The following PTPRD variants were observed in gnomAD, a reference collection of about 807,000 sequenced individuals.
The protein encoded by PTPRD is receptor-type tyrosine-protein phosphatase delta.
PTPRD carries 34 observed loss-of-function variants against 214.5 expected under a neutral mutation model. The ratio of observed to expected loss-of-function variants is 0.16; its 90% CI spans 0.12 to 0.21. The LOEUF (loss-of-function observed/expected upper bound fraction) is 0.21. PTPRD is among the 10% of genes least tolerant of loss of function. The pLI is 1.00. For synonymous variants in PTPRD, 1,128 were observed against 845.7 expected, an observed-to-expected ratio of 1.33 and a Z score of -5.79; for missense variants, 2,545 against 2,398.7, an observed-to-expected ratio of 1.06 and a Z score of -1.27.
chr9:9,921,301 T>C (rs905588189), intron 5 of PTPRD, among the ~76,000 whole-genome samples: 1 of 152,086 alleles, frequency 6.6e-6, no homozygotes, highest in Non-Finnish European at 1.5e-5. Context: ...ATAGGGTTTC[T>C]GTTTGCCTGT....
At chr9:8,399,669 T>A (rs1453172093) in intron 36 of PTPRD, among the ~76,000 whole-genome samples, 3 of 152,148 alleles carry the variant, frequency 2.0e-5, no homozygotes, top group Non-Finnish European at 4.4e-5. Context: ...TTCTAAGATT[T>A]CTATCCTAAG....
intron 2 of PTPRD, among the ~76,000 whole-genome samples, chr9:10,489,389 G>T (rs2099153301): frequency 1.3e-5 from 2 of 152,162 alleles, no homozygotes; most frequent in African/African-American, 2.4e-5. Flanking sequence ...GAGATAAGAA[G>T]TCTCTTTTGG....
intron 4 of PTPRD, among the ~76,000 whole-genome samples, chr9:9,957,562 G>A (rs1484132774): frequency 6.6e-6 from 1 of 152,036 alleles, no homozygotes; most frequent in Non-Finnish European, 1.5e-5. Flanking sequence ...CTCATTCTAT[G>A]AGGCTATTTT....
intron 8 of PTPRD, 97 bp from the exon 9 acceptor site, chr9:9,397,579 A>G (rs944733456): frequency 3.9e-5 from 6 of 152,382 alleles, no homozygotes; most frequent in Non-Finnish European, 7.4e-5. Context: ...TATCTATAGA[A>G]GCAAAATAAA....
intron 4 of PTPRD, among the ~76,000 whole-genome samples, chr9:9,945,567 G>C (rs555044674): frequency 6.6e-6 from 1 of 152,154 alleles, no homozygotes; most frequent in Non-Finnish European, 1.5e-5. Flanking sequence ...TGGCAGTTAA[G>C]TAATGCAAGT....
chr9:8,580,440 T>C (rs2092949865), intron 14 of PTPRD, among the ~76,000 whole-genome samples: 1 of 152,214 alleles, frequency 6.6e-6, no homozygotes, highest in African/African-American at 2.4e-5. Context: ...AGAATTTTCT[T>C]TCTTTGGTTT....
At chr9:9,047,140 A>T (rs949168120) in intron 10 of PTPRD, among the ~76,000 whole-genome samples, 4 of 152,076 alleles carry the variant, frequency 2.6e-5, no homozygotes, top group Admixed American at 6.6e-5. Context: ...AAAAAGAAAT[A>T]AAAAAATACT....
intron 11 of PTPRD, among the ~76,000 whole-genome samples, chr9:8,821,780 T>C (rs1214651940): frequency 6.6e-6 from 1 of 152,186 alleles, no homozygotes; most frequent in Non-Finnish European, 1.5e-5. Context: ...ATTCTCTGCC[T>C]CAGCCTCCCG....
chr9:9,934,639 G>C (rs7040837), intron 5 of PTPRD, among the ~76,000 whole-genome samples: 150,383 of 150,776 alleles, frequency 1, 75,000 homozygotes, highest in Middle Eastern at 1. Flanking sequence ...CTGAATTCTC[G>C]CAGAGGTACA....
chr9:10,122,795 A>C (rs2098786760), intron 3 of PTPRD, among the ~76,000 whole-genome samples: 1 of 152,158 alleles, frequency 6.6e-6, no homozygotes, highest in Non-Finnish European at 1.5e-5. Context: ...CCATATTGAC[A>C]CCTTCCACCC....
chr9:9,956,050 G>C (rs1471484844), intron 4 of PTPRD, among the ~76,000 whole-genome samples: 2 of 152,012 alleles, frequency 1.3e-5, no homozygotes, highest in Non-Finnish European at 2.9e-5. Context: ...ACTAACTGTT[G>C]ATCACGTGTT....
chr9:9,990,719 A>T (rs1490976442), intron 4 of PTPRD, among the ~76,000 whole-genome samples: 1 of 152,072 alleles, frequency 6.6e-6, no homozygotes, highest in East Asian at 1.9e-4. Flanking sequence ...CTTAAAGTTT[A>T]CTCTGGCAAA....
intron 10 of PTPRD, among the ~76,000 whole-genome samples, chr9:9,158,513 T>C (rs983511082): frequency 3.9e-5 from 6 of 151,980 alleles, no homozygotes; most frequent in Non-Finnish European, 7.4e-5. Context: ...GGCGGGAGAA[T>C]TGCTTGAACC....
chr9:10,200,612 G>C (rs1026351922), intron 3 of PTPRD, among the ~76,000 whole-genome samples: 1 of 152,066 alleles, frequency 6.6e-6, no homozygotes, highest in Non-Finnish European at 1.5e-5. Context: ...CACATTAACA[G>C]AGTTTCTCAA....
intron 7 of PTPRD, among the ~76,000 whole-genome samples, chr9:9,718,195 A>G (rs894696797): frequency 2.6e-5 from 4 of 152,230 alleles, no homozygotes; most frequent in African/African-American, 9.6e-5. Context: ...GTACATGAAA[A>G]TATTTTCTTT....
At chr9:9,021,661 G>GGACAAGATGTA (rs1336914186) in intron 10 of PTPRD, among the ~76,000 whole-genome samples, 1 of 152,030 alleles carries the variant, frequency 6.6e-6, no homozygotes, top group African/African-American at 2.4e-5. Flanking sequence ...TCTTCTAGTG[G>GGACAAGATGTA]GACAAGATGT....
chr9:9,209,688 T>A (rs2099947280), intron 9 of PTPRD, among the ~76,000 whole-genome samples: 1 of 152,188 alleles, frequency 6.6e-6, no homozygotes, highest in African/African-American at 2.4e-5. Context: ...ATTGTTGAAG[T>A]GGGTGATGGC....
At chr9:8,408,658 C>T (rs899558007) in intron 35 of PTPRD, among the ~76,000 whole-genome samples, 1 of 152,130 alleles carries the variant, frequency 6.6e-6, no homozygotes, top group Admixed American at 6.6e-5. Flanking sequence ...AATCAAAAAG[C>T]CTCTTGAAAG....
At chr9:9,198,930 G>C (rs2099940256) in intron 9 of PTPRD, among the ~76,000 whole-genome samples, 1 of 152,156 alleles carries the variant, frequency 6.6e-6, no homozygotes, top group Admixed American at 6.5e-5. Flanking sequence ...CTTACTTCCA[G>C]ATTCATCAAG....
Sources: allele counts gnomAD v4.1 joint callset (sites outside exome capture counted in the v4.1 genomes callset), GRCh38; gene constraint gnomAD v4.1.1; transcripts MANE v1.5; gene names NCBI Gene and HGNC (gene_info 2026-07-23, HGNC 2026-07-21).